Variants in SH3RF1 observed in about 807,000 individuals in gnomAD.
SH3RF1 encodes the protein E3 ubiquitin-protein ligase SH3RF1.
Under a neutral mutation model 74.0 loss-of-function variants are expected in SH3RF1, and 32 were observed. The ratio of observed to expected loss-of-function variants is 0.43; its 90% CI spans 0.33 to 0.58. The LOEUF is 0.58. Among genes scored for constraint, SH3RF1 ranks in the 20% least tolerant of loss-of-function variants. The pLI, the probability that SH3RF1 is intolerant of heterozygous loss-of-function variation, is 0.05. For missense variants in SH3RF1, 954 were observed against 1,130.9 expected (o/e 0.84, Z 2.24); for synonymous variants, 396 against 439.6 (o/e 0.90, Z 1.24).
chr4:169,242,757 T>C (rs1579159003), intron 2 of SH3RF1, among the ~76,000 whole-genome samples: 1 of 152,210 alleles, frequency 6.6e-6, no homozygotes, highest in Non-Finnish European at 1.5e-5. Context: ...CCCATTGCCA[T>C]CCATCTCCTG....
intron 2 of SH3RF1, among the ~76,000 whole-genome samples, chr4:169,223,727 AG>A (rs1462313913): frequency 1.3e-5 from 2 of 152,368 alleles, no homozygotes; most frequent in African/African-American, 4.8e-5. Context: ...AGTTAATTTC[AG>A]GTTGTGATAA....
At chr4:169,201,533 G>A (rs1438861200) in intron 2 of SH3RF1, among the ~76,000 whole-genome samples, 1 of 152,158 alleles carries the variant, frequency 6.6e-6, no homozygotes, top group Admixed American at 6.5e-5. Context: ...AAGGAGACCA[G>A]GCATTTAGAC....
At position 169,096,365 on chromosome 4, in the gene SH3RF1, G is replaced by C; in HGVS notation, c.*154C>G. ...CACAAACATCTTCTTCATTCTGCTC[G>C]CTGGGGTAACTGTGCTGGGGCATCA... On this transcript the variant is annotated 3_prime_UTR_variant, in exon 12 of 12. Coordinates refer to ENST00000284637, the MANE Select transcript of SH3RF1 (RefSeq NM_020870.4). 1.4e-6 allele frequency: 1 copy of C among 728,664 alleles called. No homozygotes were observed. The highest frequency in any genetic ancestry group is 3.0e-5 in the Admixed American group (1 of 33,722). The allele number at this position is 728,664 out of a possible 1,614,324, so 45.1% of individuals were successfully genotyped here. A position where few individuals can be genotyped will look rare whatever the true frequency, so the allele number is the denominator to read the frequency against.
At chr4:169,097,499 A>G (rs1561022595) in intron 11 of SH3RF1, among the ~76,000 whole-genome samples, 1 of 152,154 alleles carries the variant, frequency 6.6e-6, no homozygotes, top group Non-Finnish European at 1.5e-5. Context: ...GTTTAATATT[A>G]TCTGTGCCCC....
At chr4:169,145,837 G>GTGTTC (rs1733870628) in intron 4 of SH3RF1, among the ~76,000 whole-genome samples, 1 of 88,508 alleles carries the variant, frequency 1.1e-5, no homozygotes, top group African/African-American at 5.0e-5. Context: ...TATAAAATAT[G>GTGTTC]TATTCTATAT....
intron 4 of SH3RF1, among the ~76,000 whole-genome samples, chr4:169,150,932 G>A (rs1351481987): frequency 6.6e-6 from 1 of 152,044 alleles, no homozygotes; most frequent in Non-Finnish European, 1.5e-5. Flanking sequence ...CAGGAAAAAA[G>A]CTTGCATTAA....
At chr4:169,105,735 A>G (rs1006417877) in intron 11 of SH3RF1, among the ~76,000 whole-genome samples, 1 of 152,214 alleles carries the variant, frequency 6.6e-6, no homozygotes, top group Non-Finnish European at 1.5e-5. Context: ...TTTACAAAAA[A>G]ATTAGCTGGG....
intron 2 of SH3RF1, among the ~76,000 whole-genome samples, chr4:169,242,759 C>T (rs1463461479): frequency 6.6e-6 from 1 of 152,198 alleles, no homozygotes; most frequent in Non-Finnish European, 1.5e-5. Flanking sequence ...CATTGCCATC[C>T]ATCTCCTGCC....
intron 8 of SH3RF1, 67 bp downstream of exon 8, chr4:169,120,752 G>A (rs1029300571): frequency 3.8e-5 from 59 of 1,551,818 alleles, no homozygotes; most frequent in Non-Finnish European, 5.0e-5. Flanking sequence ...TGGATAGGCT[G>A]AAAACCATGG....
At chr4:169,102,944 T>C (rs1197125491) in intron 11 of SH3RF1, among the ~76,000 whole-genome samples, 2 of 108,870 alleles carry the variant, frequency 1.8e-5, no homozygotes, top group African/African-American at 6.9e-5. Context: ...TTTTTTGAGA[T>C]GGAGTCTCGC....
At chr4:169,164,295 T>C (rs1734196199) in intron 2 of SH3RF1, among the ~76,000 whole-genome samples, 1 of 152,208 alleles carries the variant, frequency 6.6e-6, no homozygotes, top group Non-Finnish European at 1.5e-5. Flanking sequence ...AAGTTATCTC[T>C]AGTGGACTGA....
chr4:169,145,836 TGTATTC>T (rs1262755801), intron 4 of SH3RF1, among the ~76,000 whole-genome samples: 8,255 of 131,966 alleles, frequency 0.063, 840 homozygotes, highest in South Asian at 0.1. Context: ...ATATAAAATA[TGTATTC>T]TATATATTAT....
At chr4:169,136,147 C>T (rs2126954152) in intron 5 of SH3RF1, among the ~76,000 whole-genome samples, 171 bp downstream of exon 5, 1 of 152,288 alleles carries the variant, frequency 6.6e-6, no homozygotes, top group South Asian at 2.1e-4. Context: ...GTTAGCTTTC[C>T]CTTCTCCATT....
At chr4:169,184,628 A>G (rs1734574740) in intron 2 of SH3RF1, among the ~76,000 whole-genome samples, 2 of 152,248 alleles carry the variant, frequency 1.3e-5, no homozygotes, top group South Asian at 4.1e-4. Flanking sequence ...GCCACTAAAA[A>G]GGAGATGCCA....
rs1732961386 is a variant in SH3RF1, at chr4:169,098,156, G to T, written c.2499-1469C>A. Among the ~76,000 whole-genome samples, 3 of 152,210 alleles carry T rather than the reference G, an allele frequency of 2.0e-5. 1 individual carries two copies. In the South Asian group the frequency reaches 6.2e-4, roughly 32 times the overall value. ...TAATACATGCTTATTATTGTTTTAA[G>T]CCACTGACTTTTGGGCGTAACTGGT... On this transcript the variant is annotated intron_variant, in intron 11 of 11. Coordinates refer to ENST00000284637, the MANE Select transcript of SH3RF1 (RefSeq NM_020870.4).
At chr4:169,270,697 T>G (rs544188400) in intron 1 of SH3RF1, 162 bp downstream of exon 1, 3 of 152,146 alleles carry the variant, frequency 2.0e-5, no homozygotes, top group Non-Finnish European at 4.4e-5. Flanking sequence ...CTGCTCCGCT[T>G]CCGCAGGTCC....
chr4:169,234,144 C>T (rs1448834185), intron 2 of SH3RF1, among the ~76,000 whole-genome samples: 1 of 152,094 alleles, frequency 6.6e-6, no homozygotes, highest in Non-Finnish European at 1.5e-5. Flanking sequence ...CCACTGGGGG[C>T]AATTTTGCTC....
intron 3 of SH3RF1, 60 bp downstream of exon 3, chr4:169,156,344 T>C (rs1271196824): frequency 3.4e-6 from 5 of 1,462,054 alleles, no homozygotes; most frequent in Non-Finnish European, 4.5e-6. Context: ...GCTATATTTC[T>C]ATGTATCTGG....
intron 2 of SH3RF1, among the ~76,000 whole-genome samples, chr4:169,165,697 A>G (rs1461042436): frequency 1.3e-5 from 2 of 152,078 alleles, no homozygotes; most frequent in African/African-American, 4.8e-5. Context: ...AGTTTTGTCC[A>G]GTGTTTACAT....
Sources: allele counts gnomAD v4.1 joint callset (sites outside exome capture counted in the v4.1 genomes callset), GRCh38; gene constraint gnomAD v4.1.1; transcripts MANE v1.5; gene names NCBI Gene and HGNC (gene_info 2026-07-23, HGNC 2026-07-21).